The following OSBPL1A variants were observed in gnomAD, a reference collection of about 807,000 sequenced individuals.
OSBPL1A encodes oxysterol binding protein like 1A.
A neutral mutation model predicts 137.1 loss-of-function variants in OSBPL1A; 80 were observed. That is an observed-to-expected ratio of 0.58 (90% CI 0.49 to 0.70). The LOEUF is 0.70. Among genes scored for constraint, OSBPL1A ranks in the 30% least tolerant of loss-of-function variants. The pLI is 0.00. For missense variants in OSBPL1A, 970 were observed against 1,129.4 expected (o/e 0.86, Z 2.02); for synonymous variants, 365 against 389.7 (o/e 0.94, Z 0.75).
intron 5 of OSBPL1A, among the ~76,000 whole-genome samples, chr18:24,339,309 G>T (rs2091235551): frequency 6.6e-6 from 1 of 152,130 alleles, no homozygotes; most frequent in Non-Finnish European, 1.5e-5. Context: ...TGGTCTTATG[G>T]TCTACTTATA....
At position 24,312,029 on chromosome 18, in the gene OSBPL1A, C is replaced by T; in HGVS notation, c.1047G>A (p.Glu349=). 1 of 1,614,096 alleles carries T rather than the reference C, an allele frequency of 6.2e-7. No individual in the cohort carries two copies. The highest frequency in any genetic ancestry group is 1.7e-5 in the Admixed American group (1 of 60,020). Residue 349 remains glutamate (E), a synonymous_variant, in exon 13 of 28, where the codon GAG becomes GAA. Transcript: ENST00000319481. ...CTGCAGCAGAAACCGTATCTTCCTC[C>T]TCCTCATCAGTCAGCTGGTCCTGGG... ...YCSQDQLTDE[E]EEDTVSAADL...
intron 14 of OSBPL1A, among the ~76,000 whole-genome samples, chr18:24,290,980 C>A (rs774699973): frequency 2.8e-4 from 42 of 152,018 alleles, no homozygotes; most frequent in Admixed American, 2.1e-3. Context: ...AACTAGTAGC[C>A]CAGAAGCAGA....
intron 18 of OSBPL1A, 54 bp from the exon 19 acceptor site, chr18:24,181,333 C>T (rs1038317680): frequency 6.5e-7 from 1 of 1,549,454 alleles, no homozygotes; most frequent in African/African-American, 1.4e-5. Context: ...ACAAACAAAC[C>T]TATTGTTATC....
intron 7 of OSBPL1A, among the ~76,000 whole-genome samples, chr18:24,324,817 G>C (rs995349684): frequency 7.0e-6 from 1 of 143,172 alleles, no homozygotes; most frequent in Non-Finnish European, 1.5e-5. Context: ...GCCAGGTGCA[G>C]TGGCTCATGC....
intron 17 of OSBPL1A, among the ~76,000 whole-genome samples, chr18:24,209,043 C>T (rs540984450): frequency 5.9e-5 from 9 of 152,106 alleles, no homozygotes; most frequent in African/African-American, 2.2e-4. Flanking sequence ...AGAGCACTAA[C>T]ATAATAGAAA....
At position 24,271,671 on chromosome 18, in the gene OSBPL1A, C is replaced by T; in HGVS notation, c.1281+9171G>A. 6.1e-6 allele frequency: 6 copies of T among 985,838 alleles called. No homozygotes were observed. The highest frequency in any genetic ancestry group is 7.2e-6 in the Non-Finnish European group (6 of 830,234). 61.1% of individuals were successfully genotyped at this position (985,838 alleles called of 1,614,324 possible). ...CTGGCGCGCTCCACCCTGCGCTCCTCGCAAGCTCCAGCGCGAATGCGCTCG... is the reference window on the plus strand; with the variant it reads ...CTGGCGCGCTCCACCCTGCGCTCCTTGCAAGCTCCAGCGCGAATGCGCTCG... On this transcript the variant is annotated intron_variant, in intron 15 of 27. Transcript: ENST00000319481. The surrounding 1 kb of genome is among the most constrained non-coding windows in gnomAD (Gnocchi z 4.0).
In OSBPL1A at chr18:24,162,995, T is replaced by C. The variant is rs981273399; in HGVS notation, c.*184A>G. The C allele has an allele frequency of 1.1e-5, 5 of 464,646 alleles. No individual in the cohort carries two copies. Among genetic ancestry groups the C allele is most frequent in the Middle Eastern group, 1.2e-3 (2 of 1,724 alleles). The allele number at this position is 464,646 out of a possible 1,614,324, so 28.8% of individuals were successfully genotyped here. Reference sequence around the variant, plus strand: ...ATTTTATAGCAAAATTATGCATTTTTCCTAAGACTTTCATCACCAATATCG... The same window carrying C: ...ATTTTATAGCAAAATTATGCATTTTCCCTAAGACTTTCATCACCAATATCG... On this transcript the variant is annotated 3_prime_UTR_variant, in exon 28 of 28. Coordinates refer to ENST00000319481, the MANE Select transcript of OSBPL1A (RefSeq NM_080597.4).
chr18:24,349,031 G>A (rs1234351717), intron 4 of OSBPL1A, among the ~76,000 whole-genome samples: 6 of 152,136 alleles, frequency 3.9e-5, no homozygotes, highest in Admixed American at 6.5e-5. Flanking sequence ...GCCAGGCATG[G>A]TGATGCACAC....
At chr18:24,241,899 G>A (rs1415140633) in intron 15 of OSBPL1A, among the ~76,000 whole-genome samples, 1 of 152,066 alleles carries the variant, frequency 6.6e-6, no homozygotes, top group Non-Finnish European at 1.5e-5. Flanking sequence ...ATGATAGACT[G>A]GATTAAGAAA....
At chr18:24,175,268 C>T (rs1218733566) in intron 21 of OSBPL1A, among the ~76,000 whole-genome samples, 1 of 151,606 alleles carries the variant, frequency 6.6e-6, no homozygotes, top group African/African-American at 2.4e-5. Flanking sequence ...TCACTGCAGC[C>T]TCGAACTCCT....
At chr18:24,282,094 G>A (rs1288687971) in intron 14 of OSBPL1A, among the ~76,000 whole-genome samples, 12 of 144,442 alleles carry the variant, frequency 8.3e-5, no homozygotes, top group African/African-American at 2.8e-4. Context: ...CCCTACCCCC[G>A]AGTCCATGGA....
At chr18:24,218,171 ATACT>A (rs1452578513) in intron 17 of OSBPL1A, 17 of 152,326 alleles carry the variant, frequency 1.1e-4, no homozygotes, top group African/African-American at 3.8e-4. Flanking sequence ...GAAAATGTGA[ATACT>A]AACTAAATAC....
Position 24,162,958 on chromosome 18 carries a change from C to A in OSBPL1A, c.*221G>T. ...TCTTACCTCTATATAAAATAGTATT[C>A]CAAATAAGTACATTTTATAGCAAAA... On this transcript the variant is annotated 3_prime_UTR_variant, in exon 28 of 28. Coordinates refer to ENST00000319481, the MANE Select transcript of OSBPL1A (RefSeq NM_080597.4). The A allele has an allele frequency of 2.5e-6, 1 of 393,060 alleles. No individual in the cohort carries two copies. 24.3% of individuals were successfully genotyped at this position (393,060 alleles called of 1,614,324 possible).
chr18:24,196,140 T>C lies in OSBPL1A; in HGVS notation c.1662A>G (p.Arg554=). 1 of 1,610,880 alleles carries C rather than the reference T, an allele frequency of 6.2e-7. No homozygotes were observed. Among genetic ancestry groups the C allele is most frequent in the East Asian group, 2.2e-5 (1 of 44,870 alleles). ...RNDFSIWSIL[R]KCIGMELSKI... ...ATTAATTTACCATTCCAATACATTT[T>C]CTGAGGATGCTCCAGATACTGAAGT... Residue 554 remains arginine, a synonymous_variant, in exon 18 of 28, where the codon AGA becomes AGG. Coordinates refer to ENST00000319481, the MANE Select transcript of OSBPL1A (RefSeq NM_080597.4).
At chr18:24,350,754 A>C (rs1472219640) in intron 4 of OSBPL1A, among the ~76,000 whole-genome samples, 1 of 152,234 alleles carries the variant, frequency 6.6e-6, no homozygotes, top group Non-Finnish European at 1.5e-5. Flanking sequence ...AGTGATTTCC[A>C]ACCTAGAAAT....
At chr18:24,175,649 T>C (rs1228706654) in intron 21 of OSBPL1A, among the ~76,000 whole-genome samples, 3 of 152,238 alleles carry the variant, frequency 2.0e-5, no homozygotes, top group Non-Finnish European at 4.4e-5. Flanking sequence ...TAATAACATC[T>C]AATTTATCAC....
chr18:24,206,354 T>C (rs987555911), intron 17 of OSBPL1A, among the ~76,000 whole-genome samples: 4 of 152,222 alleles, frequency 2.6e-5, no homozygotes, highest in Admixed American at 2.0e-4. Flanking sequence ...AAGCAGAGAC[T>C]GTGGTTAAGA....
chr18:24,237,958 T>C (rs1378085723), intron 16 of OSBPL1A, among the ~76,000 whole-genome samples: 4 of 152,222 alleles, frequency 2.6e-5, no homozygotes, highest in Admixed American at 6.5e-5. Context: ...CTTTGTCCAA[T>C]TGTTCCCAAA....
chr18:24,369,166 G>GA (rs1905413401), intron 2 of OSBPL1A, among the ~76,000 whole-genome samples: 1 of 152,216 alleles, frequency 6.6e-6, no homozygotes, highest in Admixed American at 6.5e-5. Context: ...GATAGTGCCT[G>GA]AAAGTGGAGT....
Sources: gnomAD v4.1 joint callset for allele counts (sites outside exome capture counted in the v4.1 genomes callset) on GRCh38, gnomAD v4.1.1 for gene constraint, Gnocchi (gnomAD v3.1) non-coding constraint, MANE v1.5 for transcripts, NCBI Gene and HGNC (gene_info 2026-07-23, HGNC 2026-07-21) for gene names.